Variants in HSPA13 observed in about 807,000 individuals in gnomAD.
HSPA13 encodes heat shock 70 kDa protein 13.
In HSPA13, 29 loss-of-function variants were observed where a neutral mutation model predicts 38.8. The ratio of observed to expected loss-of-function variants is 0.75; its 90% CI spans 0.56 to 1.02. HSPA13 has a LOEUF of 1.02. Ranked by LOEUF, HSPA13 falls within the 50% of genes least tolerant of loss-of-function variation. The pLI is 0.00. For missense variants in HSPA13, 451 were observed against 560.9 expected (o/e 0.80, Z 1.98); for synonymous variants, 192 against 205.3 (o/e 0.94, Z 0.56).
chr21:14,383,029 G>C (rs1396879315), intron 1 of HSPA13, 66 bp downstream of exon 1: 3 of 1,568,788 alleles, frequency 1.9e-6, no homozygotes, highest in Non-Finnish European at 2.6e-6. Context: ...AACCACCCCT[G>C]CCCACTCTGG....
chr21:14,382,324 A>G (rs1984190645), intron 1 of HSPA13, among the ~76,000 whole-genome samples: 1 of 152,202 alleles, frequency 6.6e-6, no homozygotes, highest in Non-Finnish European at 1.5e-5. Context: ...TAATTTAAAA[A>G]AAAAAGAAAA....
rs1205312002 is a variant in HSPA13 at position 14,378,454 on chromosome 21, A to C, written c.367-42T>G. The C allele has an allele frequency of 4.6e-6, 6 of 1,292,442 alleles. No individual in the cohort carries two copies. In the South Asian group the frequency reaches 6.0e-5, roughly 13 times the overall value. The allele number at this position is 1,292,442 out of a possible 1,614,324, so 80.1% of individuals were successfully genotyped here. On this transcript the variant is annotated intron_variant, in intron 2 of 4. Transcript: ENST00000285667. ...CAAATAAGTAAATAAATAAAAGAGT[A>C]AAAGCATACAGACATACATATATAC... is the stretch of plus-strand genomic sequence containing the variant.
Position 14,374,132 on chromosome 21 carries a change from G to C in HSPA13, c.901C>G (p.Leu301Val). ...AVEMVKLNLT[L>V]HQSAQLSVLL... ...ACTGACAACTGAGCAGATTGATGAAGAGTCAGATTTAATTTGACCATTTCC... is the reference window on the plus strand; with the variant it reads ...ACTGACAACTGAGCAGATTGATGAACAGTCAGATTTAATTTGACCATTTCC... Residue 301 changes from leucine (L) to valine (V), a missense_variant, in exon 5 of 5, where the codon CTT becomes GTT. Leu to Val is a conservative substitution (Grantham distance 32, BLOSUM62 1). Transcript: ENST00000285667. 2 of 1,614,086 alleles carry C rather than the reference G, an allele frequency of 1.2e-6. No individual in the cohort carries two copies. The highest frequency in any genetic ancestry group is 1.7e-6 in the Non-Finnish European group (2 of 1,180,020).
intron 2 of HSPA13, among the ~76,000 whole-genome samples, chr21:14,378,932 A>G (rs868416049): frequency 9.2e-5 from 14 of 152,086 alleles, no homozygotes; most frequent in African/African-American, 3.1e-4. Flanking sequence ...CTAGTTTTTA[A>G]TAACAGCAGA....
At chr21:14,378,467 CATACATAT>C (rs1568722980) in intron 2 of HSPA13, 55 bp from the exon 3 acceptor site, 1 of 1,117,878 alleles carries the variant, frequency 8.9e-7, no homozygotes, top group Admixed American at 1.8e-5. Context: ...AGCATACAGA[CATACATAT>C]ATACATAAAT....
chr21:14,374,149 A>C lies in HSPA13; in HGVS notation c.884T>G (p.Val295Gly), dbSNP rs775229092. 27 of 1,613,986 alleles carry C rather than the reference A, an allele frequency of 1.7e-5. No homozygotes were observed. The highest frequency in any genetic ancestry group is 2.3e-5 in the Non-Finnish European group (27 of 1,180,026). ...IHRLRQAVEM[V>G]KLNLTLHQSA... is the part of the protein sequence containing the mutation. ...TTGATGAAGAGTCAGATTTAATTTG[A>C]CCATTTCCACAGCTTGTCTCAATCT... The change falls in exon 5 of 5, where the codon GTC becomes GGC. Residue 295 changes from valine (V) to glycine (G), a missense_variant. Coordinates refer to ENST00000285667, the MANE Select transcript of HSPA13 (RefSeq NM_006948.5).
In HSPA13 at chr21:14,373,478, T is replaced by C; in HGVS notation, c.*139A>G. ...TCTAATCCTAAGACAAAACACTATGTAAAATTTTCCTGTATCTAAATGTTG... is the reference window on the plus strand; with the variant it reads ...TCTAATCCTAAGACAAAACACTATGCAAAATTTTCCTGTATCTAAATGTTG... On this transcript the variant is annotated 3_prime_UTR_variant, in exon 5 of 5. Transcript: ENST00000285667. 1.4e-6 allele frequency: 1 copy of C among 708,122 alleles called. No individual in the cohort carries two copies. The highest frequency in any genetic ancestry group is 2.7e-5 in the East Asian group (1 of 36,896). The allele number at this position is 708,122 out of a possible 1,614,324, so 43.9% of individuals were successfully genotyped here. A position where few individuals can be genotyped will look rare whatever the true frequency, so the allele number is the denominator to read the frequency against.
At chr21:14,377,845 T>C (rs746800880) in intron 3 of HSPA13, among the ~76,000 whole-genome samples, 22 of 152,238 alleles carry the variant, frequency 1.4e-4, no homozygotes, top group Non-Finnish European at 2.9e-4. Context: ...CCTACACCAG[T>C]GGTTTGCCAA....
At position 14,371,965 on chromosome 21, in the gene HSPA13, C is replaced by T. The variant is rs1279131601; in HGVS notation, c.*1652G>A. 6.6e-6 allele frequency: 1 copy of T among 152,492 alleles called. No homozygotes were observed. Among genetic ancestry groups the T allele is most frequent in the Admixed American group, 6.5e-5 (1 of 15,268 alleles). The allele number at this position is 152,492 out of a possible 1,614,324, so 9.4% of individuals were successfully genotyped here. A position where few individuals can be genotyped will look rare whatever the true frequency, so the allele number is the denominator to read the frequency against. ...TTCATTCTAAAATAAGATACTTCAA[C>T]AAACATTTTATACTTTTCTATCTAC... On this transcript the variant is annotated 3_prime_UTR_variant, in exon 5 of 5. Coordinates refer to ENST00000285667, the MANE Select transcript of HSPA13 (RefSeq NM_006948.5).
chr21:14,376,115 C>T (rs1156724808), intron 3 of HSPA13, among the ~76,000 whole-genome samples: 1 of 152,206 alleles, frequency 6.6e-6, no homozygotes, highest in African/African-American at 2.4e-5. Context: ...AGTCTCCCAG[C>T]CTTTTCTAAC....
chr21:14,383,142 G>A lies in HSPA13; in HGVS notation c.-23C>T. The A allele has an allele frequency of 6.2e-7, 1 of 1,614,014 alleles. No homozygotes were observed. The highest frequency in any genetic ancestry group is 2.2e-5 in the East Asian group (1 of 44,868). On this transcript the variant is annotated 5_prime_UTR_variant, in exon 1 of 5. Transcript: ENST00000285667. The stretch of plus-strand genomic sequence containing the variant: ...CATCACAGTCCCGCCGAACAGGCTT[G>A]TGATGACTGTACCAGACGTGAGGCA...
At position 14,375,746 on chromosome 21, in the gene HSPA13, G is replaced by A. The variant is rs780797150; in HGVS notation, c.654C>T (p.Val218=). Residue 218 remains valine, a synonymous_variant, in exon 4 of 5, where the codon GTC becomes GTT. Coordinates refer to ENST00000285667, the MANE Select transcript of HSPA13 (RefSeq NM_006948.5). ...AMAYGLHKAD[V]FHVLVIDLGG... ...CCAAGTCTATCACCAAGACGTGGAA[G>A]ACGTCAGCCTTGTGGAGACCATAGG... The A allele has an allele frequency of 2.7e-5, 43 of 1,613,964 alleles. No individual in the cohort carries two copies. Among genetic ancestry groups the A allele is most frequent in the Non-Finnish European group, 3.4e-5 (40 of 1,179,942 alleles).
chr21:14,373,915 A>G lies in HSPA13; in HGVS notation c.1118T>C (p.Leu373Pro). The G allele has an allele frequency of 6.2e-7, 1 of 1,614,214 alleles. No homozygotes were observed. The highest frequency in any genetic ancestry group is 8.5e-7 in the Non-Finnish European group (1 of 1,180,038). The change falls in exon 5 of 5, where the codon CTT (leucine) becomes CCT (proline). Residue 373 changes from leucine (L) to proline (P), a missense_variant. Physicochemically the swap from Leu to Pro is moderately conservative, Grantham distance 98. Coordinates refer to ENST00000285667, the MANE Select transcript of HSPA13 (RefSeq NM_006948.5). ...TEISRKLFDT[L>P]NEDLFQKILV... Reference sequence around the variant, plus strand: ...TATTTTCTGAAAGAGGTCTTCATTAAGGGTATCAAAGAGTTTCCGTGATAT... The same window carrying G: ...TATTTTCTGAAAGAGGTCTTCATTAGGGGTATCAAAGAGTTTCCGTGATAT...
intron 1 of HSPA13, among the ~76,000 whole-genome samples, chr21:14,382,574 G>C (rs1984197519): frequency 1.3e-5 from 2 of 152,044 alleles, no homozygotes; most frequent in Admixed American, 1.3e-4. Context: ...TCCACTTCCA[G>C]CTACAGGCAA....
rs996731157 is a variant in HSPA13, at chr21:14,371,437, T to A, written c.*2180A>T. On this transcript the variant is annotated 3_prime_UTR_variant, in exon 5 of 5. Coordinates refer to ENST00000285667, the MANE Select transcript of HSPA13 (RefSeq NM_006948.5). ...TTATGAAAAGACTTCAGATTGTTAT[T>A]CATAAATGATCCCTTTCAGGATGCA... The A allele has an allele frequency of 6.6e-6, 1 of 152,204 alleles. No individual in the cohort carries two copies. Among genetic ancestry groups the A allele is most frequent in the Non-Finnish European group, 1.5e-5 (1 of 68,000 alleles). The allele number at this position is 152,204 out of a possible 1,614,324, so 9.4% of individuals were successfully genotyped here.
intron 1 of HSPA13, among the ~76,000 whole-genome samples, chr21:14,382,319 T>G (rs867785763): frequency 1.4e-5 from 2 of 147,092 alleles, no homozygotes. Flanking sequence ...AATACTAATT[T>G]AAAAAAAAAA....
intron 2 of HSPA13, among the ~76,000 whole-genome samples, chr21:14,379,013 GAATA>G (rs200198357): frequency 1.3e-5 from 2 of 152,046 alleles, no homozygotes; most frequent in East Asian, 1.9e-4. Context: ...AATAAAGAAA[GAATA>G]AATGATGAAA....
chr21:14,378,219 A>T lies in HSPA13; in HGVS notation c.560T>A (p.Ile187Asn). 1.9e-6 allele frequency: 3 copies of T among 1,614,034 alleles called. No individual in the cohort carries two copies. The highest frequency in any genetic ancestry group is 2.5e-6 in the Non-Finnish European group (3 of 1,179,902). The change falls in exon 3 of 5, where the codon ATT becomes AAT. Residue 187 changes from isoleucine (I) to asparagine (N), a missense_variant. Coordinates refer to ENST00000285667, the MANE Select transcript of HSPA13 (RefSeq NM_006948.5). ...GTTACCTGCAAGGTTAGCAGCTTCA[A>T]TTGTTGAATTTCTCTGTTTTAGATC... ...EFDLKQRNSTIEAANLAGLKI... is the reference protein window; with the variant it reads ...EFDLKQRNSTNEAANLAGLKI...
At chr21:14,383,022 C>A in intron 1 of HSPA13, 73 bp downstream of exon 1, 2 of 1,553,688 alleles carry the variant, frequency 1.3e-6, no homozygotes, top group Non-Finnish European at 8.9e-7. Flanking sequence ...GTGAGTCAAC[C>A]ACCCCTGCCC....
Sources: gnomAD v4.1 joint callset for allele counts (sites outside exome capture counted in the v4.1 genomes callset) on GRCh38, gnomAD v4.1.1 for gene constraint, MANE v1.5 for transcripts, NCBI Gene and HGNC (gene_info 2026-07-23, HGNC 2026-07-21) for gene names.